PVT1: variants seen among roughly 807,000 people sequenced by gnomAD.
PVT1 encodes the protein CXCR4/PVT1 fusion.
At chr8:128,004,447 G>C (rs958799559) in intron 4 of PVT1, among the ~76,000 whole-genome samples, 1 of 152,104 alleles carries the variant, frequency 6.6e-6, no homozygotes, top group African/African-American at 2.4e-5. Context: ...GGTCTGCCTT[G>C]TCCCCTCACT....
chr8:128,087,159 G>A (rs1814268887), intron 5 of PVT1, among the ~76,000 whole-genome samples: 1 of 152,080 alleles, frequency 6.6e-6, no homozygotes, highest in African/African-American at 2.4e-5. Flanking sequence ...CTTTTTCACA[G>A]ATGAGGAAAC....
At chr8:128,081,916 G>A (rs1814186296) in intron 5 of PVT1, among the ~76,000 whole-genome samples, 1 of 152,160 alleles carries the variant, frequency 6.6e-6, no homozygotes, top group Non-Finnish European at 1.5e-5. Flanking sequence ...CTACATTCAA[G>A]CAAGACAAGC....
chr8:127,879,519 A>T (rs572622620), intron 2 of PVT1, among the ~76,000 whole-genome samples: 2 of 152,172 alleles, frequency 1.3e-5, no homozygotes, highest in African/African-American at 2.4e-5. Flanking sequence ...ACAGAGCAAG[A>T]CTCTATCTCA....
At chr8:127,962,844 C>G (rs546503889) in intron 3 of PVT1, among the ~76,000 whole-genome samples, 5 of 152,256 alleles carry the variant, frequency 3.3e-5, no homozygotes, top group African/African-American at 1.2e-4. Context: ...TGATCGCCCA[C>G]CTCGGCCTCC....
rs1204960785 is a variant in PVT1 at position 128,017,837 on chromosome 8, G to A, written n.912+28546G>A. Among the ~76,000 whole-genome samples the A allele has an allele frequency of 3.3e-5, 5 of 152,096 alleles. No individual in the cohort carries two copies. In the East Asian group the frequency reaches 9.6e-4, roughly 29 times the overall value. On this transcript the variant is annotated intron_variant and non_coding_transcript_variant, in intron 4 of 10. Transcript: ENST00000651587. ...TGCCACATGTCAGATGAGGTCTCTG[G>A]GGCTCTCACTCCTTGTGTCGGGGGT...
chr8:127,856,104 G>A (rs566842275), intron 2 of PVT1, among the ~76,000 whole-genome samples: 90 of 152,330 alleles, frequency 5.9e-4, no homozygotes, highest in Non-Finnish European at 1.2e-3. Flanking sequence ...AGAAAAATGA[G>A]AGTGGGCATC....
intron 3 of PVT1, among the ~76,000 whole-genome samples, chr8:127,963,419 C>T (rs926126996): frequency 2.3e-4 from 35 of 152,140 alleles, no homozygotes; most frequent in Non-Finnish European, 3.7e-4. Flanking sequence ...TTTACACTAG[C>T]GTTGTTATTG....
At chr8:127,890,888 T>C (rs1021395604) in exon 3 of PVT1, 33 of 152,400 alleles carry the variant, frequency 2.2e-4, no homozygotes, top group African/African-American at 7.9e-4. Flanking sequence ...GATCTCTGTT[T>C]ACTTAGATCT....
At chr8:128,041,108 TTGTG>T (rs1395833316) in intron 4 of PVT1, among the ~76,000 whole-genome samples, 3 of 151,382 alleles carry the variant, frequency 2.0e-5, no homozygotes, top group South Asian at 4.2e-4. Context: ...TTGTGTGTGA[TTGTG>T]TGTATATGTT....
At chr8:127,959,168 G>T (rs979600082) in intron 3 of PVT1, among the ~76,000 whole-genome samples, 2 of 152,170 alleles carry the variant, frequency 1.3e-5, no homozygotes, top group Admixed American at 1.3e-4. Flanking sequence ...TTTACCAAGC[G>T]AACTGATGAC....
chr8:127,941,800 C>T (rs778361204), intron 3 of PVT1, among the ~76,000 whole-genome samples: 2 of 152,236 alleles, frequency 1.3e-5, no homozygotes, highest in Non-Finnish European at 2.9e-5. Flanking sequence ...GCCAGTGTCT[C>T]TGTGGCCTGA....
chr8:127,967,004 C>T (rs948208048), intron 3 of PVT1, among the ~76,000 whole-genome samples: 1 of 152,122 alleles, frequency 6.6e-6, no homozygotes, highest in Non-Finnish European at 1.5e-5. Flanking sequence ...CCCCTTTGCC[C>T]CAGAAAGGAA....
chr8:128,027,072 T>C (rs1187022096), intron 4 of PVT1, among the ~76,000 whole-genome samples: 3 of 152,174 alleles, frequency 2.0e-5, no homozygotes, highest in Non-Finnish European at 4.4e-5. Context: ...TCCATTTATG[T>C]GTGGATCTCC....
intron 2 of PVT1, among the ~76,000 whole-genome samples, chr8:127,797,169 AT>A (rs1814406858): frequency 6.6e-6 from 1 of 151,620 alleles, no homozygotes. Flanking sequence ...AGTTGCTGGG[AT>A]TACAGGCATG....
At chr8:127,971,507 T>C (rs1303702765) in intron 3 of PVT1, among the ~76,000 whole-genome samples, 1 of 152,100 alleles carries the variant, frequency 6.6e-6, no homozygotes, top group Non-Finnish European at 1.5e-5. Context: ...CCCCCTGCCC[T>C]GCACTGGCAT....
chr8:127,959,225 C>T (rs1427010870), intron 3 of PVT1, among the ~76,000 whole-genome samples: 2 of 152,170 alleles, frequency 1.3e-5, no homozygotes, highest in Non-Finnish European at 2.9e-5. Flanking sequence ...ATCTTATCCA[C>T]GCATTTAGTG....
At chr8:127,853,887 T>C (rs1815132385) in intron 2 of PVT1, among the ~76,000 whole-genome samples, 1 of 151,724 alleles carries the variant, frequency 6.6e-6, no homozygotes, top group Admixed American at 6.6e-5. Flanking sequence ...CTTATAGCAT[T>C]GTTTACATCC....
chr8:127,941,707 G>A (rs925092327), intron 3 of PVT1, among the ~76,000 whole-genome samples: 1 of 152,180 alleles, frequency 6.6e-6, no homozygotes, highest in Admixed American at 6.5e-5. Flanking sequence ...TGTGAACACC[G>A]TGATCATCAT....
At chr8:127,819,021 A>G (rs1015353875) in intron 2 of PVT1, among the ~76,000 whole-genome samples, 1 of 151,992 alleles carries the variant, frequency 6.6e-6, no homozygotes, top group Non-Finnish European at 1.5e-5. Flanking sequence ...GCTCCTAGCT[A>G]ATTTGTTTTA....
Sources: gnomAD v4.1 joint callset for allele counts (sites outside exome capture counted in the v4.1 genomes callset) on GRCh38, gnomAD v4.1.1 for gene constraint, MANE v1.5 for transcripts, NCBI Gene and HGNC (gene_info 2026-07-23, HGNC 2026-07-21) for gene names.